ZNF821: variants seen among roughly 807,000 people sequenced by gnomAD.
The protein encoded by ZNF821 is zinc finger protein 821.
Under a neutral mutation model 44.3 loss-of-function variants are expected in ZNF821, and 16 were observed. The observed-to-expected ratio is 0.36, with a 90% CI of 0.24 to 0.55. The LOEUF (loss-of-function observed/expected upper bound fraction) is 0.55, where lower values mean the gene tolerates loss of function less well. ZNF821 is among the 20% of genes least tolerant of loss of function. The pLI, the probability that ZNF821 is intolerant of heterozygous loss-of-function variation, is 0.86. For synonymous variants in ZNF821, 204 were observed against 197.6 expected, an observed-to-expected ratio of 1.03 and a Z score of -0.27; for missense variants, 436 against 547.6, an observed-to-expected ratio of 0.80 and a Z score of 2.03.
intron 4 of ZNF821, among the ~76,000 whole-genome samples, chr16:71,867,262 T>G (rs1287348423): frequency 2.0e-5 from 3 of 152,082 alleles, no homozygotes; most frequent in African/African-American, 7.2e-5. Context: ...GAGACAGGGA[T>G]TTTTTTTCTT....
Position 71,861,823 on chromosome 16 carries a change from G to A in ZNF821, c.537C>T (p.Asn179=). The A allele has an allele frequency of 6.2e-7, 1 of 1,614,198 alleles. No individual in the cohort carries two copies. The highest frequency in any genetic ancestry group is 8.5e-7 in the Non-Finnish European group (1 of 1,180,042). ...TGAACCGGGCTCCACACACAGCACAGTTAGATCGCTGGTCCTCCGAGTGGA... is the reference window on the plus strand; with the variant it reads ...TGAACCGGGCTCCACACACAGCACAATTAGATCGCTGGTCCTCCGAGTGGA... ...LLIHSEDQRS[N]CAVCGARFTS... The change falls in exon 7 of 8, where the codon AAC becomes AAT. Residue 179 remains asparagine (N), a synonymous_variant. Coordinates refer to ENST00000425432, the MANE Select transcript of ZNF821 (RefSeq NM_001201552.2).
chr16:71,884,335 C>A (rs1444248811), upstream of ZNF821: 1 of 152,072 alleles, frequency 6.6e-6, no homozygotes, highest in Non-Finnish European at 1.5e-5. Flanking sequence ...AGCGCCCAAT[C>A]CCGGGCGCCC....
chr16:71,872,122 C>G (rs1022462564), intron 3 of ZNF821, among the ~76,000 whole-genome samples: 3 of 151,976 alleles, frequency 2.0e-5, no homozygotes, highest in Non-Finnish European at 1.5e-5. Flanking sequence ...TGAGCCACTG[C>G]GCCCGGCCTG....
chr16:71,875,882 A>G (rs192908051), intron 3 of ZNF821, among the ~76,000 whole-genome samples: 27 of 152,240 alleles, frequency 1.8e-4, no homozygotes, highest in Admixed American at 3.3e-4. Context: ...TACAAGCGTG[A>G]GCTATCACGC....
intron 6 of ZNF821, among the ~76,000 whole-genome samples, chr16:71,863,005 T>G (rs2034087543): frequency 6.6e-6 from 1 of 152,164 alleles, no homozygotes; most frequent in Admixed American, 6.5e-5. Flanking sequence ...GCCATTCTCC[T>G]GCCTCAGCTT....
rs938867328 is a variant in ZNF821 at position 71,864,976 on chromosome 16, C to T, written c.239G>A (p.Gly80Glu). 1 of 1,614,096 alleles carries T rather than the reference C, an allele frequency of 6.2e-7. No individual in the cohort carries two copies. The highest frequency in any genetic ancestry group is 8.5e-7 in the Non-Finnish European group (1 of 1,180,044). ...VSSHTSEEDGGVVKVEKELEN... is the reference protein window; with the variant it reads ...VSSHTSEEDGEVVKVEKELEN... ...TAACTCTTTCTCCACTTTGACCACCCCTCCATCTTCCTCTGATGTGTGGGA... is the reference window on the plus strand; with the variant it reads ...TAACTCTTTCTCCACTTTGACCACCTCTCCATCTTCCTCTGATGTGTGGGA... The change falls in exon 5 of 8, where the codon GGG becomes GAG. Residue 80 changes from glycine to glutamate, a missense_variant. Gly to Glu is a moderately conservative substitution (Grantham distance 98). Coordinates refer to ENST00000425432, the MANE Select transcript of ZNF821 (RefSeq NM_001201552.2).
At chr16:71,861,999 C>T (rs2033950794) in intron 6 of ZNF821, 57 bp from the exon 7 acceptor site, 3 of 1,585,508 alleles carry the variant, frequency 1.9e-6, no homozygotes, top group East Asian at 4.5e-5. Context: ...CAATCTGCAC[C>T]CACTTAGAAA....
exon 1 of ZNF821, chr16:71,895,018 T>TA: frequency 1.9e-6 from 1 of 539,614 alleles, no homozygotes; most frequent in East Asian, 3.3e-5. Flanking sequence ...GGGGAACGCT[T>TA]AGAGCCCGTA....
chr16:71,891,870 A>G (rs1180345757), intron 1 of ZNF821, among the ~76,000 whole-genome samples: 1 of 151,884 alleles, frequency 6.6e-6, no homozygotes, highest in Non-Finnish European at 1.5e-5. Context: ...GTGGTGGTGC[A>G]GGCCTGTAGC....
At chr16:71,887,628 T>C (rs527628139), upstream of ZNF821, among the ~76,000 whole-genome samples, 2 of 152,294 alleles carry the variant, frequency 1.3e-5, no homozygotes, top group African/African-American at 4.8e-5. Flanking sequence ...TTTATATTCC[T>C]ATCAGCAACA....
chr16:71,880,897 C>T (rs1407488710), intron 2 of ZNF821, among the ~76,000 whole-genome samples: 2 of 152,194 alleles, frequency 1.3e-5, no homozygotes, highest in African/African-American at 4.8e-5. Flanking sequence ...CTCCCCACCC[C>T]ATATAGGAGG....
Position 71,860,443 on chromosome 16 carries a change from G to C in ZNF821, c.814C>G (p.Gln272Glu), listed in dbSNP as rs2033711258. The change falls in exon 8 of 8, where the codon CAG (glutamine) becomes GAG (glutamate). Residue 272 changes from glutamine to glutamate, a missense_variant. Transcript: ENST00000425432. The surrounding 1 kb of genome is among the most constrained non-coding windows in gnomAD (Gnocchi z 7.3). The part of the protein sequence containing the change: ...RQNEPLEVRL[Q>E]RLERERTAKK... ...GCCGTGCGCTCTCGTTCCAGCCGCT[G>C]CAGCCGTACTTCCAAAGGCTCATTC... 6.2e-7 allele frequency: 1 copy of C among 1,613,752 alleles called. No individual in the cohort carries two copies. Among genetic ancestry groups the C allele is most frequent in the Non-Finnish European group, 8.5e-7 (1 of 1,180,046 alleles).
intron 4 of ZNF821, among the ~76,000 whole-genome samples, chr16:71,867,512 C>A (rs2034683555): frequency 6.6e-6 from 1 of 152,026 alleles, no homozygotes; most frequent in South Asian, 2.1e-4. Flanking sequence ...CATGGAGAAA[C>A]CCCGTCTCTA....
intron 3 of ZNF821, among the ~76,000 whole-genome samples, chr16:71,872,740 A>G (rs899352431): frequency 3.3e-5 from 5 of 152,246 alleles, no homozygotes; most frequent in Non-Finnish European, 7.3e-5. Flanking sequence ...CAAAGTGGGG[A>G]ACATAGCCAT....
chr16:71,882,653 G>A (rs1404188186), intron 2 of ZNF821, among the ~76,000 whole-genome samples: 2 of 152,178 alleles, frequency 1.3e-5, no homozygotes, highest in Non-Finnish European at 2.9e-5. Context: ...AGAAAAATAA[G>A]CAATTACAGT....
chr16:71,872,854 G>A (rs1452753602), intron 3 of ZNF821, among the ~76,000 whole-genome samples: 1 of 152,196 alleles, frequency 6.6e-6, no homozygotes, highest in African/African-American at 2.4e-5. Context: ...TCTTTGTAAA[G>A]CTTTTAGTTG....
chr16:71,860,152 G>C lies in ZNF821; in HGVS notation c.1105C>G (p.Gln369Glu), dbSNP rs200621442. ...MDMMLRAQFG[Q>E]DPSAMAALAA... The stretch of plus-strand genomic sequence containing the variant: ...AAGGCTGCCATGGCAGAAGGGTCCT[G>C]GCCAAACTGAGCTCGCAACATCATG... Residue 369 changes from glutamine (Q) to glutamate (E), a missense_variant, in exon 8 of 8, where the codon CAG becomes GAG. This residue lies in a region of ZNF821 where 55 missense variants were observed against 56.9 expected (regional missense o/e 0.97). Transcript: ENST00000425432. The surrounding 1 kb of genome is among the most constrained non-coding windows in gnomAD (Gnocchi z 7.3). 6.3e-5 allele frequency: 101 copies of C among 1,614,216 alleles called. No individual in the cohort carries two copies. In the East Asian group the frequency reaches 2.0e-3, roughly 33 times the overall value.
chr16:71,871,002 T>C (rs2035138072), intron 3 of ZNF821, among the ~76,000 whole-genome samples: 1 of 152,230 alleles, frequency 6.6e-6, no homozygotes, highest in Non-Finnish European at 1.5e-5. Context: ...CTTTCTTGGA[T>C]TCACCATTGG....
chr16:71,875,510 G>A (rs1597180053), intron 3 of ZNF821, among the ~76,000 whole-genome samples: 1 of 150,122 alleles, frequency 6.7e-6, no homozygotes, highest in African/African-American at 2.5e-5. Flanking sequence ...CTGGAGCGCA[G>A]TGGTGCGATC....
Sources: allele counts gnomAD v4.1 joint callset (sites outside exome capture counted in the v4.1 genomes callset), GRCh38; gene constraint gnomAD v4.1.1; regional missense constraint gnomAD v4.1.1; non-coding constraint Gnocchi (gnomAD v3.1); transcripts MANE v1.5; gene names NCBI Gene and HGNC (gene_info 2026-07-23, HGNC 2026-07-21).